MAP4K1: variants seen among roughly 807,000 people sequenced by gnomAD.
The protein encoded by MAP4K1 is MAPK/ERK kinase kinase kinase 1.
MAP4K1 carries 35 observed loss-of-function variants against 122.8 expected under a neutral mutation model. That is an observed-to-expected ratio of 0.29 (90% CI 0.22 to 0.38). The LOEUF (loss-of-function observed/expected upper bound fraction) is 0.38. MAP4K1 is among the 10% of genes least tolerant of loss of function. The probability of loss-of-function intolerance (pLI) is 1.00; values close to 1 mark genes in which losing one functional copy is unlikely to be tolerated. For synonymous variants in MAP4K1, 412 were observed against 421.3 expected, an observed-to-expected ratio of 0.98 and a Z score of 0.27; for missense variants, 791 against 1,072.6, an observed-to-expected ratio of 0.74 and a Z score of 3.67.
At position 38,596,280 on chromosome 19, in the gene MAP4K1, C is replaced by A. The variant is rs1163786098; in HGVS notation, c.2116+32G>T. ...GCTCCGCCCCTCCGGATCTGATAAG[C>A]CCCGCCCTCAGCAAGACTCCGCCCC... is the stretch of plus-strand genomic sequence containing the variant. On this transcript the variant is annotated intron_variant, in intron 26 of 30. Transcript: ENST00000396857. 13 of 1,518,356 alleles carry A rather than the reference C, an allele frequency of 8.6e-6. No individual in the cohort carries two copies. In the South Asian group the frequency reaches 1.3e-4, roughly 15 times the overall value. The allele number at this position is 1,518,356 out of a possible 1,614,324, so 94.1% of individuals were successfully genotyped here.
Position 38,617,855 on chromosome 19 carries a change from C to CG in MAP4K1, c.40dup (p.Arg14ProfsTer5). Reference sequence around the variant, plus strand: ...CCGCTGTAGCAGGTCATAGTGGTCCCGGGGGTCTCTATTGAAAATGTCAGG... The same window carrying CG: ...CCGCTGTAGCAGGTCATAGTGGTCCCGGGGGGTCTCTATTGAAAATGTCAGG... On this transcript the variant is annotated frameshift_variant, in exon 1 of 31. Coordinates refer to ENST00000396857, the MANE Select transcript of MAP4K1 (RefSeq NM_001042600.3). LOFTEE classifies it high-confidence loss of function. This position sits in a 1 kb window ranked among gnomAD's most constrained non-coding sequence, Gnocchi z 4.1. 2 of 1,614,128 alleles carry CG rather than the reference C, an allele frequency of 1.2e-6. No homozygotes were observed. Among genetic ancestry groups the CG allele is most frequent in the Non-Finnish European group, 1.7e-6 (2 of 1,180,010 alleles).
chr19:38,598,659 CTCTA>C (rs1435450811), intron 22 of MAP4K1, among the ~76,000 whole-genome samples: 34 of 152,130 alleles, frequency 2.2e-4, no homozygotes, highest in Admixed American at 6.6e-5. Flanking sequence ...AACTTGCTCA[CTCTA>C]TCTTAGTAAA....
chr19:38,605,077 C>T (rs536745312), intron 19 of MAP4K1, among the ~76,000 whole-genome samples: 179 of 147,058 alleles, frequency 1.2e-3, no homozygotes, highest in African/African-American at 4.4e-3. Context: ...ACAAGCAAAA[C>T]TCCGTCTTTA....
At chr19:38,615,062 G>C (rs1049026787) in intron 4 of MAP4K1, among the ~76,000 whole-genome samples, 2 of 152,048 alleles carry the variant, frequency 1.3e-5, no homozygotes, top group African/African-American at 4.8e-5. Flanking sequence ...GCGCGTAGGA[G>C]GAGCTATGAC....
At position 38,590,414 on chromosome 19, in the gene MAP4K1, T is replaced by A. The variant is rs1281068095; in HGVS notation, c.2397-2597A>T. ...AAAAAAATATATATATATATATATA[T>A]ATATATATATATATATATATATAAT... On this transcript the variant is annotated intron_variant, in intron 30 of 30. Coordinates refer to ENST00000396857, the MANE Select transcript of MAP4K1 (RefSeq NM_001042600.3). 1.5e-3 allele frequency among the ~76,000 whole-genome samples: 127 copies of A among 83,122 alleles called. 3 individuals are homozygous for A. The highest frequency in any genetic ancestry group is 5.4e-3 in the African/African-American group (120 of 22,070). The allele number at this position is 83,122 out of a possible 152,430, so 54.5% of individuals were successfully genotyped here. A position where few individuals can be genotyped will look rare whatever the true frequency, so the allele number is the denominator to read the frequency against.
chr19:38,588,193 G>A (rs1315774204), intron 30 of MAP4K1, among the ~76,000 whole-genome samples: 1 of 152,120 alleles, frequency 6.6e-6, no homozygotes, highest in Non-Finnish European at 1.5e-5. Context: ...AGAAAGGCTG[G>A]GACTTGGCTG....
At chr19:38,589,369 G>A (rs914808680) in intron 30 of MAP4K1, 12 of 208,750 alleles carry the variant, frequency 5.7e-5, no homozygotes, top group African/African-American at 9.6e-5. Context: ...GAGAAACAAC[G>A]TATTTACAGA....
In MAP4K1 at chr19:38,591,456, G is replaced by A. The variant is rs562388947; in HGVS notation, c.2396+1826C>T. ...TGAGACAGGAGACTTGCCTGAACCC[G>A]GGAGGCAGAGGTTGCAGTGAGTGGA... On this transcript the variant is annotated intron_variant, in intron 30 of 30. Transcript: ENST00000396857. Among the ~76,000 whole-genome samples, 10 of 150,546 alleles carry A rather than the reference G, an allele frequency of 6.6e-5. No homozygotes were observed. In the South Asian group the frequency reaches 1.5e-3, roughly 22 times the overall value.
At chr19:38,588,825 A>G (rs1471224419) in intron 30 of MAP4K1, among the ~76,000 whole-genome samples, 1 of 152,012 alleles carries the variant, frequency 6.6e-6, no homozygotes, top group Non-Finnish European at 1.5e-5. Context: ...AGGCTGAGGC[A>G]GGAGGATCGA....
intron 30 of MAP4K1, among the ~76,000 whole-genome samples, chr19:38,589,607 G>T (rs1315787271): frequency 6.6e-6 from 1 of 151,934 alleles, no homozygotes; most frequent in Non-Finnish European, 1.5e-5. Context: ...TAGAGACAGG[G>T]TTTCTCCACA....
At chr19:38,599,347 C>CAA (rs35011527) in intron 22 of MAP4K1, among the ~76,000 whole-genome samples, 617 of 39,158 alleles carry the variant, frequency 0.016, 11 homozygotes, top group East Asian at 0.062. Context: ...GACTCGGTCT[C>CAA]AAAAAAAAAA....
intron 8 of MAP4K1, 95 bp from the exon 9 acceptor site, chr19:38,612,837 A>C: frequency 7.5e-7 from 1 of 1,339,278 alleles, no homozygotes; most frequent in Non-Finnish European, 1.0e-6. Context: ...GAGACGCAGC[A>C]CACAGAGAGT....
At chr19:38,588,118 G>T (rs1974583678) in intron 30 of MAP4K1, among the ~76,000 whole-genome samples, 1 of 152,156 alleles carries the variant, frequency 6.6e-6, no homozygotes, top group Admixed American at 6.5e-5. Context: ...GAGGGAACTT[G>T]GTGAAAGGGC....
At chr19:38,605,540 C>G in intron 18 of MAP4K1, 28 bp downstream of exon 18, 1 of 1,532,242 alleles carries the variant, frequency 6.5e-7, no homozygotes, top group Non-Finnish European at 8.8e-7. Context: ...CCAACCCTCC[C>G]GCCCTCCACC....
At position 38,597,407 on chromosome 19, in the gene MAP4K1, G is replaced by T. The variant is rs1435965958; in HGVS notation, c.1779-23C>A. The T allele has an allele frequency of 6.2e-7, 1 of 1,613,652 alleles. No individual in the cohort carries two copies. The highest frequency in any genetic ancestry group is 2.2e-5 in the East Asian group (1 of 44,884). On this transcript the variant is annotated intron_variant, in intron 23 of 30. Coordinates refer to ENST00000396857, the MANE Select transcript of MAP4K1 (RefSeq NM_001042600.3). The surrounding 1 kb of genome is among the most constrained non-coding windows in gnomAD (Gnocchi z 4.6). ...TTCCTGGAGAATAGGTAGGTGTGAA[G>T]GGGGGTAGGACAGCAGGAGGCAGAG...
intron 29 of MAP4K1, 25 bp downstream of exon 29, chr19:38,595,460 G>A (rs1599691687): frequency 1.2e-6 from 2 of 1,612,842 alleles, no homozygotes. Context: ...GGGCAGTGAT[G>A]TGGAGTTTGG....
Position 38,605,590 on chromosome 19 carries a change from G to T in MAP4K1, c.1341C>A (p.Ser447Arg). The change falls in exon 18 of 31, where the codon AGC (serine) becomes AGA (arginine). Residue 447 changes from serine to arginine, a missense_variant. Physicochemically the swap from Ser to Arg is moderately radical, Grantham distance 110 (BLOSUM62 -1). Coordinates refer to ENST00000396857, the MANE Select transcript of MAP4K1 (RefSeq NM_001042600.3). ...TACCTGAATGGGCGGTGAGGTGGGG[G>T]CTGCTGGTGGATGGGGGAGGCCCAG... ...PRPGPPPSTS[S>R]PHLTAHSEPS... The T allele has an allele frequency of 6.4e-7, 1 of 1,550,550 alleles. No individual in the cohort carries two copies. Among genetic ancestry groups the T allele is most frequent in the Non-Finnish European group, 8.7e-7 (1 of 1,149,532 alleles).
chr19:38,591,192 A>G (rs897284370), intron 30 of MAP4K1, among the ~76,000 whole-genome samples: 1 of 150,814 alleles, frequency 6.6e-6, no homozygotes, highest in Non-Finnish European at 1.5e-5. Context: ...CTCTGTCTCA[A>G]GAAAAGAAAA....
At chr19:38,589,951 A>G (rs1187743227) in intron 30 of MAP4K1, among the ~76,000 whole-genome samples, 1 of 151,324 alleles carries the variant, frequency 6.6e-6, no homozygotes, top group Non-Finnish European at 1.5e-5. Context: ...GACTGATTGA[A>G]CCCAGGAGGT....
Sources: allele counts gnomAD v4.1 joint callset (sites outside exome capture counted in the v4.1 genomes callset), GRCh38; gene constraint gnomAD v4.1.1; non-coding constraint Gnocchi (gnomAD v3.1); transcripts MANE v1.5; gene names NCBI Gene and HGNC (gene_info 2026-07-23, HGNC 2026-07-21).